The following PHKB variants were observed in gnomAD, a reference collection of about 807,000 sequenced individuals.
PHKB encodes the protein phosphorylase b kinase regulatory subunit beta.
Under a neutral mutation model 152.1 loss-of-function variants are expected in PHKB, and 122 were observed. The ratio of observed to expected loss-of-function variants is 0.80; its 90% CI spans 0.69 to 0.93. The LOEUF (loss-of-function observed/expected upper bound fraction) is 0.93, where lower values mean the gene tolerates loss of function less well. Ranked by LOEUF, PHKB falls within the 40% of genes least tolerant of loss-of-function variation. The pLI, the probability that PHKB is intolerant of heterozygous loss-of-function variation, is 0.00. For missense variants in PHKB, 1,304 were observed against 1,328.4 expected, an observed-to-expected ratio of 0.98 and a Z score of 0.29; for synonymous variants, 436 against 464.9, an observed-to-expected ratio of 0.94 and a Z score of 0.80.
At chr16:47,461,453 C>T (rs532929131) in intron 1 of PHKB, 27 bp downstream of exon 1, 4 of 1,610,346 alleles carry the variant, frequency 2.5e-6, no homozygotes, top group East Asian at 2.2e-5. Context: ...CGCCGCCCCC[C>T]ACCCGAGTAC....
chr16:47,640,964 T>G, intron 14 of PHKB, 71 bp from the exon 15 acceptor site: 1 of 1,359,248 alleles, frequency 7.4e-7, no homozygotes. Context: ...ATATTGTCCT[T>G]GTTTCTCATT....
intron 23 of PHKB, 118 bp from the exon 24 acceptor site, chr16:47,663,559 T>C (rs1197577763): frequency 1.3e-6 from 1 of 775,906 alleles, no homozygotes; most frequent in Non-Finnish European, 2.2e-6. Flanking sequence ...AGAACATTAA[T>C]GGATCGATGT....
chr16:47,472,191 A>G (rs991988933), intron 1 of PHKB, among the ~76,000 whole-genome samples: 2 of 152,178 alleles, frequency 1.3e-5, no homozygotes, highest in Admixed American at 6.5e-5. Context: ...ATTCTGAGGA[A>G]TAGTCTGCAA....
At chr16:47,524,504 C>T (rs995034016) in intron 6 of PHKB, among the ~76,000 whole-genome samples, 5 of 152,138 alleles carry the variant, frequency 3.3e-5, no homozygotes, top group African/African-American at 4.8e-5. Context: ...TGGGGTGGCT[C>T]ACGCCTGTAA....
intron 29 of PHKB, 133 bp downstream of exon 29, chr16:47,696,621 G>C: frequency 1.4e-6 from 1 of 705,034 alleles, no homozygotes; most frequent in Non-Finnish European, 2.6e-6. Context: ...GTGAGACCCA[G>C]AACCCTATTC....
At chr16:47,509,010 C>T (rs184929743) in intron 4 of PHKB, among the ~76,000 whole-genome samples, 1 of 152,282 alleles carries the variant, frequency 6.6e-6, no homozygotes, top group African/African-American at 2.4e-5. Context: ...AATTGTCCTG[C>T]TGGGTTCTTG....
At chr16:47,600,036 A>G (rs1972194001) in intron 13 of PHKB, among the ~76,000 whole-genome samples, 1 of 152,178 alleles carries the variant, frequency 6.6e-6, no homozygotes, top group South Asian at 2.1e-4. Flanking sequence ...TGTGGTTACT[A>G]TTTTTACATG....
intron 6 of PHKB, among the ~76,000 whole-genome samples, chr16:47,543,966 A>G (rs1380044886): frequency 1.3e-5 from 2 of 151,822 alleles, no homozygotes; most frequent in Admixed American, 1.3e-4. Context: ...CTATACATTG[A>G]TTCTTCTCTC....
chr16:47,521,713 C>G (rs1970688674), intron 6 of PHKB, among the ~76,000 whole-genome samples: 1 of 151,428 alleles, frequency 6.6e-6, no homozygotes, highest in South Asian at 2.1e-4. Flanking sequence ...TGGAGATGCC[C>G]TTCATCAGAT....
intron 1 of PHKB, chr16:47,464,093 T>C (rs868173775): frequency 2.3e-6 from 2 of 851,370 alleles, no homozygotes; most frequent in African/African-American, 1.7e-5. Flanking sequence ...CTTTATTTCT[T>C]CTTTGGTGGG....
intron 8 of PHKB, among the ~76,000 whole-genome samples, chr16:47,582,832 T>C (rs1971870741): frequency 6.6e-6 from 1 of 152,218 alleles, no homozygotes; most frequent in Non-Finnish European, 1.5e-5. Flanking sequence ...TTCTTGCTCT[T>C]GTCACCCAGG....
chr16:47,669,609 C>T (rs979549894), intron 26 of PHKB, among the ~76,000 whole-genome samples, 192 bp downstream of exon 26: 15 of 152,186 alleles, frequency 9.9e-5, no homozygotes, highest in East Asian at 1.9e-4. Context: ...GAATCCTTAA[C>T]GTTTATTTCA....
At chr16:47,681,456 A>G (rs570179093) in intron 26 of PHKB, among the ~76,000 whole-genome samples, 14 of 141,290 alleles carry the variant, frequency 9.9e-5, no homozygotes, top group African/African-American at 3.2e-4. Context: ...GGGTGCTTCT[A>G]TGTTGGGTGC....
intron 26 of PHKB, among the ~76,000 whole-genome samples, chr16:47,681,260 G>C (rs1321921825): frequency 6.6e-6 from 1 of 151,692 alleles, no homozygotes; most frequent in African/African-American, 2.4e-5. Flanking sequence ...ATTTGGGGTG[G>C]AGAGTTCTGT....
In PHKB at chr16:47,481,866, C is replaced by T. The variant is rs543937798; in HGVS notation, c.77-15533C>T. ...AGCCCAGTTCTTCCTGTTTTCAAAA[C>T]GCTTGTTGTTTCCATGACCTTTTAG... On this transcript the variant is annotated intron_variant, in intron 1 of 30. Coordinates refer to ENST00000323584, the MANE Select transcript of PHKB (RefSeq NM_000293.3). 3.4e-4 allele frequency among the ~76,000 whole-genome samples: 52 copies of T among 152,244 alleles called. No individual in the cohort carries two copies. The South Asian group carries it at 9.5e-3, about 28-fold the overall frequency.
chr16:47,509,839 C>T (rs374956193), intron 4 of PHKB, among the ~76,000 whole-genome samples: 1 of 151,628 alleles, frequency 6.6e-6, no homozygotes, highest in Middle Eastern at 3.4e-3. Context: ...CAGTTTGTTG[C>T]AATTCTTCCA....
At chr16:47,694,738 C>T (rs1001418578) in intron 28 of PHKB, among the ~76,000 whole-genome samples, 3 of 152,194 alleles carry the variant, frequency 2.0e-5, no homozygotes, top group East Asian at 1.9e-4. Context: ...AGCAGCGCCT[C>T]GTTGCTGGAG....
At position 47,610,287 on chromosome 16, in the gene PHKB, G is replaced by A. The variant is rs957728553; in HGVS notation, c.1364-539G>A. Among the ~76,000 whole-genome samples, 11 of 151,354 alleles carry A rather than the reference G, an allele frequency of 7.3e-5. 1 individual carries two copies. The highest frequency in any genetic ancestry group is 4.2e-4 in the South Asian group (2 of 4,780). ...GCCTCCCAAAGTGCTGGGATTACAGGCGTGACCCACTGTGCCCAGCCATCT... is the reference window on the plus strand; with the variant it reads ...GCCTCCCAAAGTGCTGGGATTACAGACGTGACCCACTGTGCCCAGCCATCT... On this transcript the variant is annotated intron_variant, in intron 13 of 30. Coordinates refer to ENST00000323584, the MANE Select transcript of PHKB (RefSeq NM_000293.3).
At chr16:47,615,107 T>C (rs1597125620) in intron 14 of PHKB, among the ~76,000 whole-genome samples, 1 of 152,200 alleles carries the variant, frequency 6.6e-6, no homozygotes, top group Non-Finnish European at 1.5e-5. Context: ...TCAAATTTGT[T>C]TCCTCTACAG....
Sources: allele counts gnomAD v4.1 joint callset (sites outside exome capture counted in the v4.1 genomes callset), GRCh38; gene constraint gnomAD v4.1.1; transcripts MANE v1.5; gene names NCBI Gene and HGNC (gene_info 2026-07-23, HGNC 2026-07-21).